The following LINGO2 variants were observed in gnomAD, a reference collection of about 807,000 sequenced individuals.
LINGO2 encodes the protein leucine rich repeat and Ig domain containing 2, also known as leucine-rich repeat and immunoglobulin-like domain-containing nogo receptor-interacting protein 2.
A neutral mutation model predicts 30.6 loss-of-function variants in LINGO2; 14 were observed. The observed-to-expected ratio is 0.46, with a 90% CI of 0.30 to 0.72. The LOEUF (loss-of-function observed/expected upper bound fraction) is 0.72. Ranked by LOEUF, LINGO2 falls within the 30% of genes least tolerant of loss-of-function variation. LINGO2 has a pLI of 0.07. For synonymous variants in LINGO2, 317 were observed against 288.5 expected (o/e 1.10, Z -1.00); for missense variants, 729 against 751.7 (o/e 0.97, Z 0.35).
the LINGO2 span, among the ~76,000 whole-genome samples, chr9:28,872,950 T>C: frequency 1.3e-5 from 2 of 152,190 alleles, no homozygotes; most frequent in Admixed American, 6.6e-5. Context: ...TAGGATTCCA[T>C]TTGCAATGAC....
At chr9:28,636,645 A>G (rs543932866) in intron 1 of LINGO2, among the ~76,000 whole-genome samples, 6 of 152,044 alleles carry the variant, frequency 3.9e-5, no homozygotes, top group Non-Finnish European at 7.4e-5. Context: ...GTCTGTTCAT[A>G]TCCTTTGCCC....
chr9:27,959,805 C>T (rs908330342), intron 5 of LINGO2, among the ~76,000 whole-genome samples: 4 of 152,116 alleles, frequency 2.6e-5, no homozygotes, highest in Non-Finnish European at 4.4e-5. Flanking sequence ...ATGTGTTGTT[C>T]AGCTCTTCTA....
the LINGO2 span, among the ~76,000 whole-genome samples, chr9:29,165,168 T>G: frequency 1.3e-5 from 2 of 152,168 alleles, no homozygotes; most frequent in Non-Finnish European, 2.9e-5. Context: ...ATGGGAAAAC[T>G]TATATCTATA....
In LINGO2 at chr9:28,313,936, AT is replaced by A. The variant is rs373019723; in HGVS notation, c.-245-18571del. ...CAAACACTGTGACCAGTGAGAATTG[AT>A]TTTTTTTTTTGTTTTAGATGGAGTC... On this transcript the variant is annotated intron_variant, in intron 3 of 5. Coordinates refer to ENST00000379992, the Ensembl canonical transcript of LINGO2. 5.3e-3 allele frequency among the ~76,000 whole-genome samples: 783 copies of A among 147,410 alleles called. 6 individuals are homozygous for A. Among genetic ancestry groups the A allele is most frequent in the African/African-American group, 0.017 (701 of 40,444 alleles).
At chr9:28,492,160 G>T (rs1416074362) in intron 1 of LINGO2, among the ~76,000 whole-genome samples, 2 of 152,150 alleles carry the variant, frequency 1.3e-5, no homozygotes, top group Admixed American at 1.3e-4. Flanking sequence ...AAAAGATGTT[G>T]CCAGGAATGC....
intron 1 of LINGO2, among the ~76,000 whole-genome samples, chr9:28,525,850 T>C (rs558595493): frequency 8.9e-4 from 135 of 152,152 alleles, no homozygotes; most frequent in Middle Eastern, 3.4e-3. Flanking sequence ...GGTCAGGAGA[T>C]GGAGACCATC....
the LINGO2 span, among the ~76,000 whole-genome samples, chr9:28,774,180 G>C: frequency 6.6e-6 from 1 of 151,974 alleles, no homozygotes; most frequent in African/African-American, 2.4e-5. Flanking sequence ...TTCAATAATA[G>C]AGCATGAGCT....
intron 1 of LINGO2, among the ~76,000 whole-genome samples, chr9:28,540,052 T>C (rs114131228): frequency 0.019 from 2,825 of 152,144 alleles, 41 homozygotes; most frequent in African/African-American, 0.03. Flanking sequence ...TTAAGTGGTG[T>C]GGGGATGAGG....
intron 1 of LINGO2, among the ~76,000 whole-genome samples, chr9:28,522,827 C>A (rs1820876052): frequency 6.6e-6 from 1 of 151,012 alleles, no homozygotes; most frequent in Non-Finnish European, 1.5e-5. Flanking sequence ...AACAGCTAGG[C>A]AGGAGGATAT....
chr9:28,411,399 T>G (rs1172573235), intron 2 of LINGO2, among the ~76,000 whole-genome samples: 1 of 152,100 alleles, frequency 6.6e-6, no homozygotes, highest in African/African-American at 2.4e-5. Context: ...AGGTATACAA[T>G]TCAGTGGTAT....
the LINGO2 span, among the ~76,000 whole-genome samples, chr9:28,972,345 G>A: frequency 6.6e-6 from 1 of 152,144 alleles, no homozygotes; most frequent in Non-Finnish European, 1.5e-5. Flanking sequence ...CAGAGATATT[G>A]TGACCTTTCA....
the LINGO2 span, among the ~76,000 whole-genome samples, chr9:28,895,973 T>G: frequency 6.6e-6 from 1 of 152,068 alleles, no homozygotes; most frequent in Non-Finnish European, 1.5e-5. Context: ...TTGGAAACTA[T>G]CAACATAAAG....
intron 4 of LINGO2, among the ~76,000 whole-genome samples, chr9:28,209,931 A>G (rs1045534589): frequency 1.8e-4 from 28 of 151,878 alleles, no homozygotes; most frequent in African/African-American, 6.5e-4. Context: ...GAAAAATAAA[A>G]AATTCCACCA....
chr9:28,237,835 C>T (rs1251925705), intron 4 of LINGO2, among the ~76,000 whole-genome samples: 2 of 152,032 alleles, frequency 1.3e-5, no homozygotes, highest in Non-Finnish European at 2.9e-5. Flanking sequence ...GCCTGGGCAA[C>T]AGAGTGAGAC....
At chr9:28,496,525 T>G (rs10121259) in intron 1 of LINGO2, among the ~76,000 whole-genome samples, 1 of 150,108 alleles carries the variant, frequency 6.7e-6, no homozygotes, top group African/African-American at 2.5e-5. Context: ...ATCTTCCTCC[T>G]TCCCTTTATT....
At chr9:28,091,962 C>T (rs2133268743) in intron 4 of LINGO2, among the ~76,000 whole-genome samples, 1 of 152,230 alleles carries the variant, frequency 6.6e-6, no homozygotes, top group African/African-American at 2.4e-5. Flanking sequence ...TCATCACTGG[C>T]CATCAGAGAA....
At chr9:28,183,120 A>G (rs895532528) in intron 4 of LINGO2, among the ~76,000 whole-genome samples, 2 of 152,226 alleles carry the variant, frequency 1.3e-5, no homozygotes, top group African/African-American at 4.8e-5. Context: ...AATACTGTGC[A>G]GCCATAAAAA....
chr9:28,044,700 G>C (rs1229799029), intron 4 of LINGO2, among the ~76,000 whole-genome samples: 2 of 152,102 alleles, frequency 1.3e-5, no homozygotes, highest in African/African-American at 4.8e-5. Context: ...GAATCCAAAC[G>C]AGCAGAGAGA....
At chr9:28,544,938 G>GCT (rs1048966138) in intron 1 of LINGO2, among the ~76,000 whole-genome samples, 1 of 151,334 alleles carries the variant, frequency 6.6e-6, no homozygotes, top group African/African-American at 2.4e-5. Context: ...CGGACTCAGA[G>GCT]GAGTTAATAT....
Sources: allele counts gnomAD v4.1 joint callset (sites outside exome capture counted in the v4.1 genomes callset), GRCh38; gene constraint gnomAD v4.1.1; transcripts MANE v1.5; gene names NCBI Gene and HGNC (gene_info 2026-07-23, HGNC 2026-07-21).